The following ALDH1L1 variants were observed in gnomAD, a reference collection of about 807,000 sequenced individuals.
ALDH1L1 encodes the protein aldehyde dehydrogenase 1 family member L1, also known as cytosolic 10-formyltetrahydrofolate dehydrogenase.
ALDH1L1 carries 68 observed loss-of-function variants against 101.1 expected under a neutral mutation model. The observed-to-expected ratio is 0.67, with a 90% CI of 0.55 to 0.82. The LOEUF (loss-of-function observed/expected upper bound fraction) is 0.82. Among genes scored for constraint, ALDH1L1 ranks in the 40% least tolerant of loss-of-function variants. The pLI, the probability that ALDH1L1 is intolerant of heterozygous loss-of-function variation, is 0.00. For missense variants in ALDH1L1, 1,087 were observed against 1,172.7 expected (o/e 0.93, Z 1.07); for synonymous variants, 486 against 470.8 (o/e 1.03, Z -0.42).
chr3:126,150,648 G>T (rs143894575), intron 7 of ALDH1L1, 117 bp from the exon 8 acceptor site: 3 of 1,252,922 alleles, frequency 2.4e-6, no homozygotes, highest in African/African-American at 1.5e-5. Context: ...TCCGCCTCCC[G>T]GGTTGAAGCG....
At chr3:126,153,866 G>A (rs1035118709) in intron 6 of ALDH1L1, among the ~76,000 whole-genome samples, 3 of 152,234 alleles carry the variant, frequency 2.0e-5, no homozygotes, top group Admixed American at 1.3e-4. Context: ...TGCACAGACT[G>A]GGGGAGAATG....
At chr3:126,116,681 C>T (rs2079978374) in intron 17 of ALDH1L1, among the ~76,000 whole-genome samples, 1 of 152,232 alleles carries the variant, frequency 6.6e-6, no homozygotes, top group Non-Finnish European at 1.5e-5. Context: ...GGTGCCAAAA[C>T]CCACCCCCAG....
chr3:126,112,744 G>T, intron 19 of ALDH1L1, 38 bp downstream of exon 19: 2 of 1,597,046 alleles, frequency 1.3e-6, no homozygotes, highest in South Asian at 2.2e-5. Context: ...TGCTGTCCCA[G>T]TGAACCAGCC....
chr3:126,157,981 T>C (rs2080950699), intron 3 of ALDH1L1, among the ~76,000 whole-genome samples: 1 of 152,120 alleles, frequency 6.6e-6, no homozygotes, highest in Admixed American at 6.5e-5. Flanking sequence ...TGCTCCATCT[T>C]TATCTCTTTC....
intron 11 of ALDH1L1, 87 bp from the exon 12 acceptor site, chr3:126,135,749 G>C: frequency 7.0e-7 from 1 of 1,423,500 alleles, no homozygotes. Flanking sequence ...TCCTCCTGGG[G>C]CCCCAGTGAG....
upstream of ALDH1L1, among the ~76,000 whole-genome samples, chr3:126,182,688 G>A (rs367895165): frequency 1.3e-3 from 201 of 152,270 alleles, 1 homozygote; most frequent in Middle Eastern, 3.4e-3. Flanking sequence ...TGGGCGACAG[G>A]AACCACTGAA....
Position 126,146,102 on chromosome 3 carries a change from G to C in ALDH1L1, c.1076+733C>G, listed in dbSNP as rs1195284618. ...CCACTCAGCCCCAACTCATATGCAT[G>C]GTCAATTGCAAAACTGGTCACAATG... On this transcript the variant is annotated intron_variant, in intron 9 of 22. Coordinates refer to ENST00000393434, the MANE Select transcript of ALDH1L1 (RefSeq NM_012190.4). Among the ~76,000 whole-genome samples, 4 of 152,284 alleles carry C rather than the reference G, an allele frequency of 2.6e-5. No homozygotes were observed. The South Asian group carries it at 6.2e-4, about 24-fold the overall frequency.
At chr3:126,177,837 C>T (rs553537776) in intron 1 of ALDH1L1, among the ~76,000 whole-genome samples, 50 of 149,440 alleles carry the variant, frequency 3.3e-4, no homozygotes, top group African/African-American at 1.2e-3. Context: ...GCCAGGAGTT[C>T]AAAAGCAGCC....
chr3:126,183,637 C>T (rs2081493942), upstream of ALDH1L1, among the ~76,000 whole-genome samples: 1 of 152,206 alleles, frequency 6.6e-6, no homozygotes. Context: ...CTGCATGCCT[C>T]CTGTCCTTGT....
At chr3:126,170,030 C>T (rs1235467279) in intron 1 of ALDH1L1, among the ~76,000 whole-genome samples, 2 of 151,842 alleles carry the variant, frequency 1.3e-5, no homozygotes, top group Admixed American at 6.6e-5. Context: ...AGAAAGCAAC[C>T]CCTAACAGTC....
chr3:126,185,029 A>T (rs924546433), upstream of ALDH1L1, among the ~76,000 whole-genome samples: 1 of 152,194 alleles, frequency 6.6e-6, no homozygotes, highest in African/African-American at 2.4e-5. Context: ...CCAAGAATTC[A>T]AAATGGTTTT....
At chr3:126,158,693 G>T in intron 2 of ALDH1L1, 54 bp from the exon 3 acceptor site, 1 of 1,531,078 alleles carries the variant, frequency 6.5e-7, no homozygotes. Context: ...CCCACACGCA[G>T]CCACCTCTGC....
upstream of ALDH1L1, among the ~76,000 whole-genome samples, chr3:126,181,992 G>T (rs2081479405): frequency 6.6e-6 from 1 of 152,034 alleles, no homozygotes. Flanking sequence ...GTTCATCTTT[G>T]TCCAGAGAAC....
intron 14 of ALDH1L1, 192 bp downstream of exon 14, chr3:126,130,031 G>T: frequency 2.1e-6 from 1 of 480,848 alleles, no homozygotes; most frequent in South Asian, 5.5e-5. Context: ...AGTGTTACTG[G>T]GAGATTAAAT....
chr3:126,151,232 C>T (rs2080801426), intron 7 of ALDH1L1: 1 of 152,202 alleles, frequency 6.6e-6, no homozygotes, highest in African/African-American at 2.4e-5. Context: ...CTTGCAATCA[C>T]CCAGTAGCTC....
Position 126,140,288 on chromosome 3 carries a change from C to T in ALDH1L1, c.1077-2328G>A, listed in dbSNP as rs370953780. 1.7e-4 allele frequency among the ~76,000 whole-genome samples: 26 copies of T among 152,180 alleles called. No homozygotes were observed. The South Asian group carries it at 2.3e-3, about 13-fold the overall frequency. On this transcript the variant is annotated intron_variant, in intron 9 of 22. Coordinates refer to ENST00000393434, the MANE Select transcript of ALDH1L1 (RefSeq NM_012190.4). Reference sequence around the variant, plus strand: ...AAGTTTTGGGGAAAAATGGCAACAACGAATTCCATATCCATCAAAACTATC... The same window carrying T: ...AAGTTTTGGGGAAAAATGGCAACAATGAATTCCATATCCATCAAAACTATC...
At chr3:126,105,319 A>C in intron 22 of ALDH1L1, 3 of 307,414 alleles carry the variant, frequency 9.8e-6, no homozygotes, top group Non-Finnish European at 1.9e-5. Context: ...GCCCACTCCC[A>C]CCACTCTGGC....
intron 5 of ALDH1L1, among the ~76,000 whole-genome samples, chr3:126,155,006 G>C (rs1383780849): frequency 2.0e-5 from 3 of 152,180 alleles, no homozygotes; most frequent in Non-Finnish European, 4.4e-5. Flanking sequence ...CCTGAGCTGA[G>C]ACACAGCCTA....
intron 3 of ALDH1L1, among the ~76,000 whole-genome samples, 154 bp from the exon 4 acceptor site, chr3:126,157,662 C>T (rs922215155): frequency 1.3e-5 from 2 of 152,150 alleles, no homozygotes; most frequent in African/African-American, 4.8e-5. Context: ...AGAAGGAAAA[C>T]AGCATGTATT....
Sources: gnomAD v4.1 joint callset for allele counts (sites outside exome capture counted in the v4.1 genomes callset) on GRCh38, gnomAD v4.1.1 for gene constraint, MANE v1.5 for transcripts, NCBI Gene and HGNC (gene_info 2026-07-23, HGNC 2026-07-21) for gene names.